The following DPP10 variants were observed in gnomAD, a reference collection of about 807,000 sequenced individuals.
DPP10 encodes inactive dipeptidyl peptidase 10.
DPP10 carries 33 observed loss-of-function variants against 120.9 expected under a neutral mutation model. The observed-to-expected ratio is 0.27, with a 90% confidence interval of 0.21 to 0.37. The LOEUF (loss-of-function observed/expected upper bound fraction) is 0.37, where lower values mean the gene tolerates loss of function less well. DPP10 is among the 10% of genes least tolerant of loss of function. The pLI, the probability that DPP10 is intolerant of heterozygous loss-of-function variation, is 1.00. For synonymous variants in DPP10, 337 were observed against 326.1 expected, an observed-to-expected ratio of 1.03 and a Z score of -0.36; for missense variants, 816 against 942.8, an observed-to-expected ratio of 0.87 and a Z score of 1.76.
At chr2:115,604,943 T>C (rs969961491) in intron 5 of DPP10, among the ~76,000 whole-genome samples, 2 of 152,216 alleles carry the variant, frequency 1.3e-5, no homozygotes, top group Non-Finnish European at 2.9e-5. Context: ...AGTTGCATTT[T>C]ACTCTAATTT....
At chr2:114,727,878 A>T (rs1194457540) in intron 1 of DPP10, among the ~76,000 whole-genome samples, 1 of 152,182 alleles carries the variant, frequency 6.6e-6, no homozygotes, top group Non-Finnish European at 1.5e-5. Context: ...TTATCTGTCT[A>T]TCACTGCGGT....
At chr2:115,521,812 G>A (rs17044615) in intron 4 of DPP10, among the ~76,000 whole-genome samples, 1 of 151,860 alleles carries the variant, frequency 6.6e-6, no homozygotes, top group African/African-American at 2.4e-5. Context: ...ACCTGATTTT[G>A]CTTCTTTCTT....
intron 1 of DPP10, among the ~76,000 whole-genome samples, chr2:115,056,679 G>A (rs771321804): frequency 3.9e-5 from 6 of 152,134 alleles, no homozygotes; most frequent in Non-Finnish European, 7.3e-5. Context: ...AAATATCTAA[G>A]AGCAATGCCA....
chr2:115,470,192 AAG>A (rs1485211140), intron 3 of DPP10, among the ~76,000 whole-genome samples: 1 of 152,166 alleles, frequency 6.6e-6, no homozygotes, highest in African/African-American at 2.4e-5. Flanking sequence ...GTAAAGCAAA[AAG>A]AGATTTCCCT....
intron 3 of DPP10, among the ~76,000 whole-genome samples, chr2:115,463,581 T>C (rs2074120923): frequency 6.6e-6 from 1 of 152,198 alleles, no homozygotes; most frequent in Non-Finnish European, 1.5e-5. Flanking sequence ...TCACCTCAAA[T>C]ACACAAAGTG....
At chr2:115,615,535 A>G (rs990237479) in intron 5 of DPP10, among the ~76,000 whole-genome samples, 4 of 152,204 alleles carry the variant, frequency 2.6e-5, no homozygotes, top group African/African-American at 7.2e-5. Context: ...GCAGTATTCT[A>G]TTAAAATGTA....
At chr2:115,561,129 G>T (rs994275976) in intron 5 of DPP10, among the ~76,000 whole-genome samples, 3 of 151,982 alleles carry the variant, frequency 2.0e-5, no homozygotes, top group Admixed American at 6.6e-5. Flanking sequence ...CGGGTGGATT[G>T]TCTGAGCTCA....
intron 1 of DPP10, among the ~76,000 whole-genome samples, chr2:114,991,729 G>C (rs1244005342): frequency 6.6e-6 from 1 of 152,210 alleles, no homozygotes; most frequent in African/African-American, 2.4e-5. Flanking sequence ...GGATACATCA[G>C]TTAGAGGACA....
chr2:114,995,809 C>T (rs894476254), intron 1 of DPP10, among the ~76,000 whole-genome samples: 6 of 152,194 alleles, frequency 3.9e-5, no homozygotes, highest in South Asian at 2.1e-4. Flanking sequence ...TAAACTGCAT[C>T]GATCAATTAA....
intron 5 of DPP10, among the ~76,000 whole-genome samples, chr2:115,589,048 G>A (rs1398635654): frequency 6.6e-6 from 1 of 152,128 alleles, no homozygotes; most frequent in Non-Finnish European, 1.5e-5. Context: ...TATTAAAAAT[G>A]ACATAGGCAT....
At chr2:115,465,083 T>C (rs937739678) in intron 3 of DPP10, among the ~76,000 whole-genome samples, 1 of 152,132 alleles carries the variant, frequency 6.6e-6, no homozygotes, top group Non-Finnish European at 1.5e-5. Context: ...AAAGCAACAA[T>C]ATAAAGAGGA....
chr2:115,396,958 T>C (rs765035194), intron 3 of DPP10, among the ~76,000 whole-genome samples: 4 of 152,194 alleles, frequency 2.6e-5, no homozygotes, highest in Non-Finnish European at 5.9e-5. Context: ...AATAAAATTA[T>C]AAGGCCAACA....
At chr2:115,150,065 G>T (rs1311458477) in intron 1 of DPP10, among the ~76,000 whole-genome samples, 1 of 152,190 alleles carries the variant, frequency 6.6e-6, no homozygotes, top group Non-Finnish European at 1.5e-5. Context: ...TGCTGTGAAG[G>T]TCAATGGGAA....
At chr2:115,664,212 C>T (rs1352012521) in intron 5 of DPP10, among the ~76,000 whole-genome samples, 1 of 151,708 alleles carries the variant, frequency 6.6e-6, no homozygotes, top group Non-Finnish European at 1.5e-5. Flanking sequence ...TACTGAAAAA[C>T]ATTTTCAATT....
intron 1 of DPP10, among the ~76,000 whole-genome samples, chr2:114,894,325 C>CA (rs1692790499): frequency 6.6e-6 from 1 of 152,152 alleles, no homozygotes; most frequent in Non-Finnish European, 1.5e-5. Context: ...CCTTCAGAGA[C>CA]AAGGTTGCTT....
At chr2:115,117,653 C>T (rs1462065075) in intron 1 of DPP10, among the ~76,000 whole-genome samples, 2 of 152,144 alleles carry the variant, frequency 1.3e-5, no homozygotes, top group Non-Finnish European at 2.9e-5. Flanking sequence ...TTTCATCACA[C>T]TTTTGGAGTA....
At chr2:114,712,610 C>T (rs571800602) in intron 1 of DPP10, among the ~76,000 whole-genome samples, 3 of 152,118 alleles carry the variant, frequency 2.0e-5, no homozygotes, top group Non-Finnish European at 4.4e-5. Flanking sequence ...AAAAAGAAAG[C>T]ATTAGTAGGC....
intron 3 of DPP10, among the ~76,000 whole-genome samples, chr2:115,402,847 A>AG (rs2068173725): frequency 1.6e-5 from 1 of 62,416 alleles, no homozygotes; most frequent in African/African-American, 4.7e-5. Context: ...ACAAGGAAAA[A>AG]AAAAAAAATA....
intron 5 of DPP10, among the ~76,000 whole-genome samples, chr2:115,678,787 C>T (rs1363788225): frequency 1.3e-5 from 2 of 152,184 alleles, no homozygotes; most frequent in Non-Finnish European, 2.9e-5. Context: ...ACTGGGGGCT[C>T]TACTCTAAAG....
Sources: gnomAD v4.1 joint callset for allele counts (sites outside exome capture counted in the v4.1 genomes callset) on GRCh38, gnomAD v4.1.1 for gene constraint, MANE v1.5 for transcripts, NCBI Gene and HGNC (gene_info 2026-07-23, HGNC 2026-07-21) for gene names.